SEPTIN2: variants seen among roughly 807,000 people sequenced by gnomAD.
SEPTIN2 encodes the protein septin-2.
SEPTIN2 carries 34 observed loss-of-function variants against 46.5 expected under a neutral mutation model. The observed-to-expected ratio is 0.73, with a 90% CI of 0.56 to 0.97. The LOEUF is 0.97. Ranked by LOEUF, SEPTIN2 falls within the 50% of genes least tolerant of loss-of-function variation. SEPTIN2 has a pLI of 0.00. For synonymous variants in SEPTIN2, 175 were observed against 153.4 expected, an observed-to-expected ratio of 1.14 and a Z score of -1.04; for missense variants, 347 against 448.4, an observed-to-expected ratio of 0.77 and a Z score of 2.04.
rs1197399429 is a variant in SEPTIN2, at chr2:241,343,823, C to T, written c.768C>T (p.Arg256=). The change falls in exon 9 of 13, where the codon CGC becomes CGT. Residue 256 remains arginine, a synonymous_variant. Transcript: ENST00000391971. ...CCAAAGGAAAGAAGGTCAGAGGCCGCCTCTACCCCTGGGGTGTTGTGGAAG... is the reference window on the plus strand; with the variant it reads ...CCAAAGGAAAGAAGGTCAGAGGCCGTCTCTACCCCTGGGGTGTTGTGGAAG... The part of the protein sequence containing the change: ...IEAKGKKVRG[R]LYPWGVVEVE... 3.1e-6 allele frequency: 5 copies of T among 1,614,070 alleles called. No homozygotes were observed. Among genetic ancestry groups the T allele is most frequent in the African/African-American group, 1.3e-5 (1 of 74,918 alleles).
At chr2:241,320,624 A>T (rs1206890146) in intron 1 of SEPTIN2, among the ~76,000 whole-genome samples, 1 of 152,130 alleles carries the variant, frequency 6.6e-6, no homozygotes, top group African/African-American at 2.4e-5. Context: ...CCCCATCTCT[A>T]CTAAAAATAC....
At chr2:241,339,460 G>A (rs2080954857) in intron 7 of SEPTIN2, among the ~76,000 whole-genome samples, 1 of 151,718 alleles carries the variant, frequency 6.6e-6, no homozygotes, top group South Asian at 2.1e-4. Context: ...TTATGTTTTT[G>A]GTTTTGCAGA....
At chr2:241,348,688 T>C (rs544323750) in intron 11 of SEPTIN2, among the ~76,000 whole-genome samples, 1 of 152,288 alleles carries the variant, frequency 6.6e-6, no homozygotes, top group South Asian at 2.1e-4. Flanking sequence ...ATAATAAACA[T>C]GGATATTTAC....
At chr2:241,335,628 C>G in intron 4 of SEPTIN2, 1 of 580,588 alleles carries the variant, frequency 1.7e-6, no homozygotes, top group East Asian at 2.9e-5. Flanking sequence ...AATAGGCACA[C>G]ATAGTGAGAG....
At chr2:241,316,958 C>T (rs1437473095) in intron 1 of SEPTIN2, 1 of 160,166 alleles carries the variant, frequency 6.2e-6, no homozygotes, top group African/African-American at 2.4e-5. Context: ...GGTATTTGTC[C>T]AGTGGACTAT....
At chr2:241,344,794 G>A (rs924949719) in intron 9 of SEPTIN2, among the ~76,000 whole-genome samples, 11 of 152,084 alleles carry the variant, frequency 7.2e-5, no homozygotes, top group African/African-American at 2.2e-4. Context: ...GGCCGGGTGC[G>A]GTGGCTCATG....
chr2:241,351,275 C>G (rs1241012698), intron 12 of SEPTIN2: 2 of 152,176 alleles, frequency 1.3e-5, no homozygotes, highest in East Asian at 3.9e-4. Flanking sequence ...TCACCAAACG[C>G]TCTTGCAGCT....
At chr2:241,316,381 T>A in intron 1 of SEPTIN2, 1 of 896,162 alleles carries the variant, frequency 1.1e-6, no homozygotes. Context: ...AGAGCTTGTG[T>A]GGCCATCTTG....
intron 5 of SEPTIN2, 190 bp from the exon 6 acceptor site, chr2:241,337,192 G>T: frequency 1.8e-6 from 1 of 556,554 alleles, no homozygotes; most frequent in South Asian, 2.6e-5. Flanking sequence ...CAGCACTTAG[G>T]GGCAGTTATG....
At chr2:241,322,685 C>T (rs2077317476) in intron 1 of SEPTIN2, among the ~76,000 whole-genome samples, 1 of 152,104 alleles carries the variant, frequency 6.6e-6, no homozygotes, top group Admixed American at 6.5e-5. Flanking sequence ...ACTCAGATGC[C>T]TTCAGTACTA....
intron 1 of SEPTIN2, among the ~76,000 whole-genome samples, chr2:241,321,227 T>G (rs2077070186): frequency 1.3e-5 from 2 of 152,242 alleles, no homozygotes; most frequent in Non-Finnish European, 2.9e-5. Context: ...ACTGAATCTG[T>G]CCGGTTCTCA....
Position 241,335,490 on chromosome 2 carries a change from TTAAG to T in SEPTIN2, c.217+280_217+283del, listed in dbSNP as rs2079798031. Reference sequence around the variant, plus strand: ...CTATATTAAATATTTGATGGAAGGATTAAGTGAGAATGTTTTACATCAAAAATGC... The same window carrying T: ...CTATATTAAATATTTGATGGAAGGATTGAGAATGTTTTACATCAAAAATGC... On this transcript the variant is annotated intron_variant, in intron 4 of 12. Coordinates refer to ENST00000391971, the MANE Select transcript of SEPTIN2 (RefSeq NM_004404.5). The T allele has an allele frequency of 5.1e-6, 4 of 782,002 alleles. No homozygotes were observed. The South Asian group carries it at 6.4e-5, about 12-fold the overall frequency. The allele number at this position is 782,002 out of a possible 1,614,324, so 48.4% of individuals were successfully genotyped here.
At position 241,327,818 on chromosome 2, in the gene SEPTIN2, A is replaced by G. The variant is rs140425546; in HGVS notation, c.130+1705A>G. On this transcript the variant is annotated intron_variant, in intron 3 of 12. Coordinates refer to ENST00000391971, the MANE Select transcript of SEPTIN2 (RefSeq NM_004404.5). Reference sequence around the variant, plus strand: ...GTAATCCTAGCACTTTGGGAGGCCAACATGGGTGGATCACTTCAGCCCAGG... The same window carrying G: ...GTAATCCTAGCACTTTGGGAGGCCAGCATGGGTGGATCACTTCAGCCCAGG... Among the ~76,000 whole-genome samples, 102 of 151,874 alleles carry G rather than the reference A, an allele frequency of 6.7e-4. 2 individuals are homozygous for G. The highest frequency in any genetic ancestry group is 7.0e-3 in the Middle Eastern group (2 of 284).
intron 7 of SEPTIN2, among the ~76,000 whole-genome samples, chr2:241,338,564 A>G (rs1446836248): frequency 6.9e-6 from 1 of 144,528 alleles, no homozygotes; most frequent in East Asian, 2.0e-4. Flanking sequence ...AACCTCAGCA[A>G]CATAGCAATA....
intron 3 of SEPTIN2, among the ~76,000 whole-genome samples, chr2:241,334,744 TGA>T (rs1172840013): frequency 2.0e-5 from 3 of 152,242 alleles, no homozygotes; most frequent in African/African-American, 7.2e-5. Flanking sequence ...GAAAATGTGG[TGA>T]GTTTAGTGAC....
intron 3 of SEPTIN2, among the ~76,000 whole-genome samples, chr2:241,331,965 T>C (rs1348811528): frequency 2.0e-5 from 3 of 152,190 alleles, no homozygotes; most frequent in Non-Finnish European, 4.4e-5. Flanking sequence ...CCAAGTTGAT[T>C]CAGTGGGGGC....
At chr2:241,316,418 T>G in intron 1 of SEPTIN2, 1 of 1,126,512 alleles carries the variant, frequency 8.9e-7, no homozygotes, top group South Asian at 1.7e-5. Flanking sequence ...ATTTCCTCCC[T>G]GAGGCGTGGA....
chr2:241,347,610 A>G (rs1480497228), intron 10 of SEPTIN2, among the ~76,000 whole-genome samples: 2 of 152,238 alleles, frequency 1.3e-5, no homozygotes, highest in East Asian at 3.8e-4. Flanking sequence ...TGAGTGGGTA[A>G]CAGCAAGTGT....
Position 241,343,019 on chromosome 2 carries a change from A to T in SEPTIN2, c.622A>T (p.Ile208Phe), listed in dbSNP as rs1212126923. 6.2e-7 allele frequency: 1 copy of T among 1,608,462 alleles called. No individual in the cohort carries two copies. The highest frequency in any genetic ancestry group is 8.5e-7 in the Non-Finnish European group (1 of 1,175,616). The change falls in exon 8 of 13, where the codon ATC becomes TTC. Residue 208 changes from isoleucine to phenylalanine, a missense_variant. Ile to Phe is a conservative substitution (Grantham distance 21, BLOSUM62 0). Transcript: ENST00000391971. ...TCTGGATGAAATTGAAGAACATAACATCAAAATCTATCACTTACCTGATGC... is the reference window on the plus strand; with the variant it reads ...TCTGGATGAAATTGAAGAACATAACTTCAAAATCTATCACTTACCTGATGC... The part of the protein sequence containing the change: ...RILDEIEEHN[I>F]KIYHLPDAES...
Sources: gnomAD v4.1 joint callset for allele counts (sites outside exome capture counted in the v4.1 genomes callset) on GRCh38, gnomAD v4.1.1 for gene constraint, MANE v1.5 for transcripts, NCBI Gene and HGNC (gene_info 2026-07-23, HGNC 2026-07-21) for gene names.